Variants in SPACA6 observed in about 807,000 individuals in gnomAD.
SPACA6 encodes sperm acrosome associated 6, also known as sperm acrosome membrane-associated protein 6.
For missense variants in SPACA6, 8 were observed against 2.8 expected (o/e 2.88, Z -1.34); for synonymous variants, 6 against 1.5 (o/e 4.05, Z -2.21).
chr19:51,701,420 A>G (rs550678603), intron 2 of SPACA6, among the ~76,000 whole-genome samples: 1 of 152,230 alleles, frequency 6.6e-6, no homozygotes, highest in South Asian at 2.1e-4. Context: ...GGCAGAAGAA[A>G]GGAGACTTAG....
chr19:51,697,223 A>G (rs1005141928), intron 2 of SPACA6, among the ~76,000 whole-genome samples: 2 of 152,138 alleles, frequency 1.3e-5, no homozygotes, highest in Admixed American at 6.5e-5. Context: ...GGAGGACTTT[A>G]CACAGAGAGA....
chr19:51,695,625 C>T (rs765329533), intron 2 of SPACA6, among the ~76,000 whole-genome samples: 6 of 152,224 alleles, frequency 3.9e-5, no homozygotes, highest in Non-Finnish European at 7.3e-5. Context: ...CCCTAAACCT[C>T]TCCATGTGGG....
chr19:51,691,303 G>A (rs1485847058), upstream of SPACA6, among the ~76,000 whole-genome samples: 5 of 151,248 alleles, frequency 3.3e-5, no homozygotes, highest in African/African-American at 1.2e-4. Context: ...GAGAGAGACA[G>A]AGACTGAGAG....
intron 2 of SPACA6, among the ~76,000 whole-genome samples, chr19:51,695,632 TG>T (rs1209058102): frequency 4.6e-5 from 7 of 152,070 alleles, no homozygotes; most frequent in Non-Finnish European, 1.0e-4. Flanking sequence ...CCTCTCCATG[TG>T]GGGGTGTGCA....
upstream of SPACA6, chr19:51,693,146 T>C: frequency 2.3e-6 from 1 of 433,750 alleles, no homozygotes; most frequent in Non-Finnish European, 4.6e-6. Flanking sequence ...TCTGTGTCTC[T>C]ATTTCTGTCG....
At chr19:51,697,848 G>A (rs1321598395) in intron 2 of SPACA6, among the ~76,000 whole-genome samples, 1 of 152,230 alleles carries the variant, frequency 6.6e-6, no homozygotes, top group Non-Finnish European at 1.5e-5. Flanking sequence ...CTGACCACCA[G>A]GGTCAAATGT....
chr19:51,695,009 T>A (rs536441888), intron 2 of SPACA6, among the ~76,000 whole-genome samples: 2 of 152,220 alleles, frequency 1.3e-5, no homozygotes, highest in African/African-American at 4.8e-5. Flanking sequence ...GGAAGGCATC[T>A]TCCTCTAGGA....
upstream of SPACA6, chr19:51,686,171 T>C (rs1018957741): frequency 1.3e-5 from 2 of 152,228 alleles, no homozygotes; most frequent in Non-Finnish European, 2.9e-5. Flanking sequence ...AGAGGCCTTA[T>C]GTTTCAGAAA....
upstream of SPACA6, among the ~76,000 whole-genome samples, chr19:51,692,246 C>T (rs1028433579): frequency 1.3e-5 from 2 of 152,054 alleles, no homozygotes; most frequent in East Asian, 1.9e-4. This position sits in a 1 kb window ranked among gnomAD's most constrained non-coding sequence, Gnocchi z 5.6. Flanking sequence ...CCCTCCCAGC[C>T]GGCACCCAGG....
chr19:51,694,204 T>C (rs35018336), intron 1 of SPACA6: 16,578 of 332,594 alleles, frequency 0.05, 692 homozygotes, highest in East Asian at 0.12. Flanking sequence ...GGGTGGAAGA[T>C]GGAGACTCAA....
rs2083483834 is a variant in SPACA6, at chr19:51,703,218, C to T, written c.464-10C>T. On this transcript the variant is annotated splice_polypyrimidine_tract_variant and intron_variant, in intron 5 of 8. Transcript: ENST00000637797. The surrounding 1 kb of genome is among the most constrained non-coding windows in gnomAD (Gnocchi z 4.2). ...CGGGGCCCAGCGAGTGAACCCTGCT[C>T]CGTCTTCAGTTCAGGATGTGACAGT... 2.5e-6 allele frequency: 1 copy of T among 399,442 alleles called. No homozygotes were observed. Among genetic ancestry groups the T allele is most frequent in the Non-Finnish European group, 4.4e-6 (1 of 226,156 alleles). 24.7% of individuals were successfully genotyped at this position (399,442 alleles called of 1,614,324 possible).
Position 51,703,984 on chromosome 19 carries a change from CA to C in SPACA6, c.574-45del. 2 of 400,136 alleles carry C rather than the reference CA, an allele frequency of 5.0e-6. No homozygotes were observed. Among genetic ancestry groups the C allele is most frequent in the Admixed American group, 8.8e-5 (2 of 22,724 alleles). The allele number at this position is 400,136 out of a possible 1,614,324, so 24.8% of individuals were successfully genotyped here. Reference sequence around the variant, plus strand: ...CGGGGGGCGGGGCTTGTAGGTTACTCAGTGGCAAGCCGGAGTTGAGGCGTTT... The same window carrying C: ...CGGGGGGCGGGGCTTGTAGGTTACTCGTGGCAAGCCGGAGTTGAGGCGTTT... On this transcript the variant is annotated intron_variant, in intron 6 of 8. Transcript: ENST00000637797. This position sits in a 1 kb window ranked among gnomAD's most constrained non-coding sequence, Gnocchi z 4.2.
At chr19:51,708,223 A>G (rs1005153024), downstream of SPACA6, among the ~76,000 whole-genome samples, 1 of 152,180 alleles carries the variant, frequency 6.6e-6, no homozygotes, top group Non-Finnish European at 1.5e-5. Flanking sequence ...CAGGAAATTC[A>G]AGAGATTAGG....
intron 3 of SPACA6, chr19:51,702,397 C>T (rs2083475555): frequency 2.7e-6 from 1 of 376,474 alleles, no homozygotes; most frequent in Non-Finnish European, 4.7e-6. Context: ...CCTCTAAACC[C>T]CAAGTAGAAG....
chr19:51,702,798 T>G (rs552690966), intron 4 of SPACA6, 146 bp downstream of exon 4: 1 of 398,686 alleles, frequency 2.5e-6, no homozygotes, highest in Non-Finnish European at 4.4e-6. Context: ...GAAAACCAAG[T>G]ATTGCTCTAA....
At chr19:51,691,888 G>A (rs1483179141), upstream of SPACA6, among the ~76,000 whole-genome samples, 1 of 152,178 alleles carries the variant, frequency 6.6e-6, no homozygotes, top group African/African-American at 2.4e-5. Context: ...AGGGAGGACA[G>A]AGATGGGGCT....
upstream of SPACA6, chr19:51,692,930 C>G (rs1394667837): frequency 2.0e-6 from 1 of 511,610 alleles, no homozygotes; most frequent in Non-Finnish European, 4.1e-6. This position sits in a 1 kb window ranked among gnomAD's most constrained non-coding sequence, Gnocchi z 5.6. Context: ...CTTAGCCCCA[C>G]TGGGCTGCCC....
chr19:51,709,610 G>A (rs1201264141), downstream of SPACA6, among the ~76,000 whole-genome samples: 2 of 120,250 alleles, frequency 1.7e-5, no homozygotes, highest in South Asian at 3.2e-4. Flanking sequence ...GCAAGACTCT[G>A]TCACAAAAAA....
chr19:51,707,970 C>T (rs960754241), downstream of SPACA6, among the ~76,000 whole-genome samples: 2 of 152,212 alleles, frequency 1.3e-5, no homozygotes, highest in Admixed American at 1.3e-4. Flanking sequence ...TGGATGCACT[C>T]ACCAGCCTGG....
Sources: allele counts gnomAD v4.1 joint callset (sites outside exome capture counted in the v4.1 genomes callset), GRCh38; gene constraint gnomAD v4.1.1; non-coding constraint Gnocchi (gnomAD v3.1); transcripts MANE v1.5; gene names NCBI Gene and HGNC (gene_info 2026-07-23, HGNC 2026-07-21).